Variants in SSH2 observed in about 807,000 individuals in gnomAD.
The protein encoded by SSH2 is slingshot protein phosphatase 2, also known as protein phosphatase Slingshot homolog 2.
Under a neutral mutation model 135.2 loss-of-function variants are expected in SSH2, and 37 were observed. The ratio of observed to expected loss-of-function variants is 0.27; its 90% CI spans 0.21 to 0.36. The LOEUF is 0.36. SSH2 is among the 10% of genes least tolerant of loss of function. The pLI, the probability that SSH2 is intolerant of heterozygous loss-of-function variation, is 1.00. For missense variants in SSH2, 1,408 were observed against 1,765.3 expected (o/e 0.80, Z 3.63); for synonymous variants, 628 against 646.2 (o/e 0.97, Z 0.43).
intron 3 of SSH2, among the ~76,000 whole-genome samples, chr17:29,714,909 C>T (rs2039566186): frequency 6.6e-6 from 1 of 152,080 alleles, no homozygotes; most frequent in Non-Finnish European, 1.5e-5. Context: ...CCCTATCACC[C>T]AGGCTGAAGT....
intron 11 of SSH2, among the ~76,000 whole-genome samples, chr17:29,656,521 G>A (rs754599608): frequency 1.3e-5 from 2 of 152,136 alleles, no homozygotes; most frequent in Non-Finnish European, 2.9e-5. Context: ...AGGAGTTAAA[G>A]GACAGAACTT....
chr17:29,631,429 G>A lies in SSH2; in HGVS notation c.3765C>T (p.Pro1255=), dbSNP rs766963710. The A allele has an allele frequency of 4.2e-5, 67 of 1,614,012 alleles. No individual in the cohort carries two copies. Among genetic ancestry groups the A allele is most frequent in the Middle Eastern group, 3.3e-4 (2 of 6,084 alleles). The change falls in exon 16 of 16, where the codon CCC becomes CCT. Residue 1255 remains proline, a synonymous_variant. Transcript: ENST00000540801. The part of the protein sequence containing the change: ...SENIKSLSHS[P]GVVKERAKEI... ...CTTTAGCACGCTCCTTCACCACACC[G>A]GGGCTGTGGCTGAGACTCTTTATGT...
chr17:29,737,920 C>CTTATTTAT (rs57778245), intron 3 of SSH2, among the ~76,000 whole-genome samples: 61,334 of 150,548 alleles, frequency 0.41, 12,755 homozygotes, highest in Non-Finnish European at 0.44. Flanking sequence ...GAGAAAGTCT[C>CTTATTTAT]TTATTTATTT....
At chr17:29,890,660 G>A (rs989346160) in intron 1 of SSH2, among the ~76,000 whole-genome samples, 2 of 152,100 alleles carry the variant, frequency 1.3e-5, no homozygotes, top group Non-Finnish European at 2.9e-5. Context: ...ATAGATAAAG[G>A]GGTTTCTTTC....
chr17:29,644,833 A>G (rs1170766173), intron 14 of SSH2: 4 of 151,230 alleles, frequency 2.6e-5, no homozygotes, highest in Admixed American at 6.6e-5. Flanking sequence ...TAAATAAATA[A>G]CCCTCCTCAA....
chr17:29,809,567 C>T (rs1345062167), intron 2 of SSH2, among the ~76,000 whole-genome samples: 1 of 151,950 alleles, frequency 6.6e-6, no homozygotes, highest in African/African-American at 2.4e-5. Context: ...TTTATTCCCT[C>T]ATTCATGAGA....
At chr17:29,705,614 T>A (rs553663689) in intron 3 of SSH2, among the ~76,000 whole-genome samples, 5 of 152,274 alleles carry the variant, frequency 3.3e-5, no homozygotes, top group Admixed American at 1.3e-4. Context: ...TTTGTACTTG[T>A]AAATAAAAAA....
chr17:29,709,015 T>TAGAGAGAGAGAGAG (rs58190730), intron 3 of SSH2, among the ~76,000 whole-genome samples: 34 of 81,586 alleles, frequency 4.2e-4, no homozygotes, highest in East Asian at 1.8e-3. Context: ...TATATATATA[T>TAGAGAGAGAGAGAG]AGAGAGAGAG....
rs1232058395 is a variant in SSH2 at position 29,648,272 on chromosome 17, A to G, written c.1299T>C (p.Tyr433=). The G allele has an allele frequency of 1.2e-6, 2 of 1,614,060 alleles. No homozygotes were observed. The highest frequency in any genetic ancestry group is 8.5e-7 in the Non-Finnish European group (1 of 1,180,048). The change falls in exon 14 of 16, where the codon TAT becomes TAC. Residue 433 remains tyrosine, a synonymous_variant. Transcript: ENST00000540801. ...VSRSASTVIA[Y]AMKEYGWNLD... ...GATTCCAGCCATATTCCTTCATTGC[A>G]TAGGCAATCACGGTGGAGGCTGAGC...
intron 3 of SSH2, among the ~76,000 whole-genome samples, chr17:29,740,430 CTTTTA>C (rs1409426873): frequency 8.3e-5 from 12 of 143,750 alleles, no homozygotes; most frequent in African/African-American, 2.5e-4. Flanking sequence ...TATTCTTTTT[CTTTTA>C]TTTTATTACC....
chr17:29,807,778 C>A (rs1426207848), intron 2 of SSH2, among the ~76,000 whole-genome samples: 1 of 149,468 alleles, frequency 6.7e-6, no homozygotes. Context: ...ATGAGGTAGC[C>A]AGGGAAGGTA....
At chr17:29,770,661 T>C (rs1302268121) in intron 3 of SSH2, among the ~76,000 whole-genome samples, 2 of 151,502 alleles carry the variant, frequency 1.3e-5, no homozygotes, top group Non-Finnish European at 2.9e-5. Flanking sequence ...TTAGTAGAGA[T>C]GAGGTTTCAC....
intron 5 of SSH2, among the ~76,000 whole-genome samples, chr17:29,690,856 AG>A (rs1011552625): frequency 2.0e-5 from 3 of 152,048 alleles, no homozygotes; most frequent in African/African-American, 7.2e-5. Flanking sequence ...GGTTACAAAA[AG>A]GTATTTCTAT....
intron 3 of SSH2, among the ~76,000 whole-genome samples, chr17:29,713,321 C>A (rs1265043097): frequency 6.6e-6 from 1 of 152,042 alleles, no homozygotes; most frequent in Non-Finnish European, 1.5e-5. Flanking sequence ...GGCAACAGAG[C>A]GAGACAGTGT....
At chr17:29,695,419 T>A in intron 5 of SSH2, 40 bp downstream of exon 5, 2 of 1,559,520 alleles carry the variant, frequency 1.3e-6, no homozygotes, top group Non-Finnish European at 1.8e-6. Flanking sequence ...TCTTAGATAG[T>A]CTTTTGAGGA....
chr17:29,732,989 G>A (rs1310213788), intron 3 of SSH2, among the ~76,000 whole-genome samples: 1 of 152,076 alleles, frequency 6.6e-6, no homozygotes. Context: ...AGGTCAACAG[G>A]GTAAAATGTT....
At chr17:29,909,218 T>C (rs2066720503) in intron 1 of SSH2, among the ~76,000 whole-genome samples, 1 of 152,258 alleles carries the variant, frequency 6.6e-6, no homozygotes, top group Admixed American at 6.5e-5. Context: ...TCTCTAAAGA[T>C]ATATAACTAG....
intron 3 of SSH2, among the ~76,000 whole-genome samples, chr17:29,764,475 C>T (rs2151262325): frequency 6.6e-6 from 1 of 152,260 alleles, no homozygotes; most frequent in Non-Finnish European, 1.5e-5. Context: ...GCTCTCTGTA[C>T]CCATGCATCT....
At chr17:29,774,027 GACATAA>G (rs2041643943) in intron 3 of SSH2, among the ~76,000 whole-genome samples, 1 of 152,108 alleles carries the variant, frequency 6.6e-6, no homozygotes, top group African/African-American at 2.4e-5. Context: ...ATATATTTAA[GACATAA>G]ACATATGCAT....
Sources: allele counts gnomAD v4.1 joint callset (sites outside exome capture counted in the v4.1 genomes callset), GRCh38; gene constraint gnomAD v4.1.1; transcripts MANE v1.5; gene names NCBI Gene and HGNC (gene_info 2026-07-23, HGNC 2026-07-21).